The following ADCY7 variants were observed in gnomAD, a reference collection of about 807,000 sequenced individuals.
ADCY7 encodes adenylate cyclase type 7.
A neutral mutation model predicts 120.6 loss-of-function variants in ADCY7; 72 were observed. The observed-to-expected ratio is 0.60, with a 90% CI of 0.49 to 0.73. The LOEUF is 0.73. Among genes scored for constraint, ADCY7 ranks in the 30% least tolerant of loss-of-function variants. The pLI is 0.00. For synonymous variants in ADCY7, 661 were observed against 628.0 expected (o/e 1.05, Z -0.78); for missense variants, 1,227 against 1,486.0 (o/e 0.83, Z 2.87).
Position 50,304,528 on chromosome 16 carries a change from G to A in ADCY7, c.1537G>A (p.Val513Ile), listed in dbSNP as rs373744375. 113 of 1,564,522 alleles carry A rather than the reference G, an allele frequency of 7.2e-5. No individual in the cohort carries two copies. The highest frequency in any genetic ancestry group is 3.4e-4 in the Middle Eastern group (2 of 5,820). ...RESVSSGETH[V>I]PNGRRPKSVP... ...GAGCGTGAGCAGTGGTGAGACCCAC[G>A]TCCCCAACGGGCGGAGGCCTAAGGT... The change falls in exon 11 of 26, where the codon GTC (valine) becomes ATC (isoleucine). Residue 513 changes from valine (V) to isoleucine (I), a missense_variant. Coordinates refer to ENST00000673801, the MANE Select transcript of ADCY7 (RefSeq NM_001114.5).
intron 1 of ADCY7, among the ~76,000 whole-genome samples, chr16:50,255,176 C>T (rs192491100): frequency 1.9e-4 from 28 of 148,206 alleles, no homozygotes; most frequent in Non-Finnish European, 3.0e-4. Flanking sequence ...AGGAGCCTGT[C>T]GTCCCAGCTA....
At chr16:50,305,924 A>G (rs745420616) in intron 14 of ADCY7, 75 bp downstream of exon 14, 8 of 1,449,526 alleles carry the variant, frequency 5.5e-6, no homozygotes, top group African/African-American at 1.4e-5. Context: ...GACGCAGGTC[A>G]TGGGGCAGCC....
chr16:50,308,314 C>T lies in ADCY7; in HGVS notation c.1851-13C>T. On this transcript the variant is annotated splice_polypyrimidine_tract_variant and intron_variant, in intron 15 of 25. Transcript: ENST00000673801. The stretch of plus-strand genomic sequence containing the variant: ...GGCCCTAGGCAGAACTGAGGTTCTT[C>T]CCTCCTCTCCAGGACGGCGGCACTG... 6.2e-7 allele frequency: 1 copy of T among 1,614,188 alleles called. No homozygotes were observed. The highest frequency in any genetic ancestry group is 8.5e-7 in the Non-Finnish European group (1 of 1,180,036).
intron 1 of ADCY7, among the ~76,000 whole-genome samples, chr16:50,280,815 A>C (rs2034212140): frequency 6.6e-6 from 1 of 152,122 alleles, no homozygotes; most frequent in South Asian, 2.1e-4. Flanking sequence ...CCTTTGCAAG[A>C]GGGGAAACTA....
intron 1 of ADCY7, among the ~76,000 whole-genome samples, chr16:50,282,841 G>T (rs1318297969): frequency 6.6e-6 from 1 of 151,874 alleles, no homozygotes; most frequent in Non-Finnish European, 1.5e-5. Context: ...CTCTCAAGTA[G>T]CTTGGACTAC....
chr16:50,316,208 C>T lies in ADCY7; in HGVS notation c.*703C>T, dbSNP rs1315681413. ...TATGCTCTGCCTTTTTAACCACTGA[C>T]ATGTAAGGAGGACTACTGTCTAGCA... On this transcript the variant is annotated 3_prime_UTR_variant, in exon 26 of 26. Transcript: ENST00000673801. 1.3e-5 allele frequency: 2 copies of T among 152,428 alleles called. No individual in the cohort carries two copies. Among genetic ancestry groups the T allele is most frequent in the Non-Finnish European group, 2.9e-5 (2 of 68,130 alleles). 9.4% of individuals were successfully genotyped at this position (152,428 alleles called of 1,614,324 possible).
chr16:50,315,301 C>A, intron 25 of ADCY7, 58 bp from the exon 26 acceptor site: 1 of 1,583,490 alleles, frequency 6.3e-7, no homozygotes, highest in Non-Finnish European at 8.6e-7. Flanking sequence ...CTATCTGTCC[C>A]TACCATGACA....
upstream of ADCY7, among the ~76,000 whole-genome samples, chr16:50,265,170 T>A (rs2033164880): frequency 6.6e-6 from 1 of 152,178 alleles, no homozygotes; most frequent in Non-Finnish European, 1.5e-5. Context: ...GGAGGAGTCT[T>A]TTGTCAGTCA....
At chr16:50,296,269 T>G (rs1199243731) in intron 7 of ADCY7, among the ~76,000 whole-genome samples, 1 of 152,016 alleles carries the variant, frequency 6.6e-6, no homozygotes, top group Non-Finnish European at 1.5e-5. Flanking sequence ...TCTAGGCTGG[T>G]CTTGAATTCC....
chr16:50,300,564 A>G (rs1596947358), intron 8 of ADCY7, 151 bp from the exon 9 acceptor site: 3 of 905,788 alleles, frequency 3.3e-6, no homozygotes, highest in African/African-American at 1.7e-5. Flanking sequence ...CTTCCTGAAG[A>G]GGCAGCCCCA....
Position 50,312,155 on chromosome 16 carries a change from C to T in ADCY7, c.2568C>T (p.His856=), listed in dbSNP as rs200239084. 24 of 1,614,080 alleles carry T rather than the reference C, an allele frequency of 1.5e-5. No individual in the cohort carries two copies. Among genetic ancestry groups the T allele is most frequent in the East Asian group, 2.2e-5 (1 of 44,896 alleles). ...TTCTGGAGAACGTCCTGCCAGCCCA[C>T]GTGGCTGCCCACTTTATCGGTGACA... ...RLLLENVLPA[H]VAAHFIGDKL... is the part of the protein sequence containing the mutation. Residue 856 remains histidine, a synonymous_variant, in exon 21 of 26, where the codon CAC becomes CAT. Coordinates refer to ENST00000673801, the MANE Select transcript of ADCY7 (RefSeq NM_001114.5).
In ADCY7 at chr16:50,308,766, C is replaced by T. The variant is rs772204190; in HGVS notation, c.2035C>T (p.Leu679=). 2 of 1,612,156 alleles carry T rather than the reference C, an allele frequency of 1.2e-6. No homozygotes were observed. The highest frequency in any genetic ancestry group is 2.7e-5 in the African/African-American group (2 of 75,068). The change falls in exon 17 of 26, where the codon CTG becomes TTG. Residue 679 remains leucine, a synonymous_variant. Coordinates refer to ENST00000673801, the MANE Select transcript of ADCY7 (RefSeq NM_001114.5). ...LTLAVLTIGS[L]LTVAIINLPL... ...CCTGGCCGTCCTGACCATCGGCAGC[C>T]TGCTCACTGTGGCCATCATCAACCT... is the stretch of plus-strand genomic sequence containing the variant.
At position 50,290,674 on chromosome 16, in the gene ADCY7, T is replaced by C. The variant is rs755451392; in HGVS notation, c.375+14T>C. Reference sequence around the variant, plus strand: ...GCGTGGGAGCAGGTAACAGGAACTCTGGACTCCCTGCCAGCTGCGCCTTCA... The same window carrying C: ...GCGTGGGAGCAGGTAACAGGAACTCCGGACTCCCTGCCAGCTGCGCCTTCA... On this transcript the variant is annotated intron_variant, in intron 3 of 25. Transcript: ENST00000673801. 2 of 1,606,764 alleles carry C rather than the reference T, an allele frequency of 1.2e-6. No individual in the cohort carries two copies. Among genetic ancestry groups the C allele is most frequent in the East Asian group, 2.2e-5 (1 of 44,760 alleles).
chr16:50,311,799 GCCCCCCCC>G lies in ADCY7; in HGVS notation c.2448+22_2448+29del, dbSNP rs376981269. 3 of 893,460 alleles carry G rather than the reference GCCCCCCCC, an allele frequency of 3.4e-6. No individual in the cohort carries two copies. Among genetic ancestry groups the G allele is most frequent in the Non-Finnish European group, 4.7e-6 (3 of 642,264 alleles). 55.3% of individuals were successfully genotyped at this position (893,460 alleles called of 1,614,324 possible). On this transcript the variant is annotated intron_variant, in intron 20 of 25. Transcript: ENST00000673801. ...ACTCTCCAGACAGGTAAGGAGGCTG[GCCCCCCCC>G]CCCCCCCCAAGCTCTGCCCACTTTT... is the stretch of plus-strand genomic sequence containing the variant.
At position 50,308,730 on chromosome 16, in the gene ADCY7, C is replaced by T; in HGVS notation, c.1999C>T (p.Leu667=). ...ISERVETQPL[L]RLTLAVLTIG... ...TGAGAGGGTGGAGACACAGCCCCTG[C>T]TGAGGCTGACCCTGGCCGTCCTGAC... is the stretch of plus-strand genomic sequence containing the variant. The change falls in exon 17 of 26, where the codon CTG becomes TTG. Residue 667 remains leucine (L), a synonymous_variant. Coordinates refer to ENST00000673801, the MANE Select transcript of ADCY7 (RefSeq NM_001114.5). The T allele has an allele frequency of 1.2e-6, 2 of 1,613,608 alleles. No homozygotes were observed. Among genetic ancestry groups the T allele is most frequent in the African/African-American group, 1.3e-5 (1 of 75,080 alleles).
intron 1 of ADCY7, among the ~76,000 whole-genome samples, chr16:50,246,691 C>T (rs904978596): frequency 1.3e-5 from 2 of 152,210 alleles, no homozygotes; most frequent in East Asian, 3.9e-4. Flanking sequence ...AGCAGGACCC[C>T]TCGGTGGCCA....
In ADCY7 at chr16:50,313,990, G is replaced by C; in HGVS notation, c.2784G>C (p.Glu928Asp). ...LLLKPKFSGV[E>D]KIKTIGSTYM... is the part of the protein sequence containing the mutation. ...TGAAGCCCAAGTTCAGCGGCGTGGA[G>C]AAGATCAAGACCATCGGCAGCACGT... Residue 928 changes from glutamate to aspartate, a missense_variant, in exon 23 of 26, where the codon GAG becomes GAC. Glu to Asp is a conservative substitution (Grantham distance 45). Coordinates refer to ENST00000673801, the MANE Select transcript of ADCY7 (RefSeq NM_001114.5). The C allele has an allele frequency of 6.2e-7, 1 of 1,614,100 alleles. No individual in the cohort carries two copies. Among genetic ancestry groups the C allele is most frequent in the Non-Finnish European group, 8.5e-7 (1 of 1,179,948 alleles).
rs745430694 is a variant in ADCY7 at position 50,300,880 on chromosome 16, C to T, written c.1235+7C>T. 2 of 1,554,322 alleles carry T rather than the reference C, an allele frequency of 1.3e-6. No individual in the cohort carries two copies. Among genetic ancestry groups the T allele is most frequent in the Admixed American group, 1.9e-5 (1 of 51,296 alleles). On this transcript the variant is annotated splice_region_variant and intron_variant, in intron 9 of 25. Transcript: ENST00000673801. Reference sequence around the variant, plus strand: ...AGGCAGCCGGAGTACCCGGGTGAGGCTGGGCTGGGTAGCCGCAGGGACAGA... The same window carrying T: ...AGGCAGCCGGAGTACCCGGGTGAGGTTGGGCTGGGTAGCCGCAGGGACAGA...
chr16:50,315,727 G>A lies in ADCY7; in HGVS notation c.*222G>A. ...GCGCAGGGGAGGCCAGAAGCTCTGT[G>A]CCTGGTCTGTAACAGTTTCCAGGCC... On this transcript the variant is annotated 3_prime_UTR_variant, in exon 26 of 26. Transcript: ENST00000673801. The A allele has an allele frequency of 1.9e-6, 1 of 515,868 alleles. No individual in the cohort carries two copies. The highest frequency in any genetic ancestry group is 2.9e-5 in the South Asian group (1 of 34,106). 32.0% of individuals were successfully genotyped at this position (515,868 alleles called of 1,614,324 possible). A position where few individuals can be genotyped will look rare whatever the true frequency, so the allele number is the denominator to read the frequency against.
Sources: allele counts gnomAD v4.1 joint callset (sites outside exome capture counted in the v4.1 genomes callset), GRCh38; gene constraint gnomAD v4.1.1; transcripts MANE v1.5; gene names NCBI Gene and HGNC (gene_info 2026-07-23, HGNC 2026-07-21).